ST14: variants seen among roughly 807,000 people sequenced by gnomAD.
The protein encoded by ST14 is suppressor of tumorigenicity 14 protein.
ST14 carries 40 observed loss-of-function variants against 96.5 expected under a neutral mutation model. The ratio of observed to expected loss-of-function variants is 0.41; its 90% CI spans 0.32 to 0.54. ST14 has a LOEUF of 0.54. Ranked by LOEUF, ST14 falls within the 20% of genes least tolerant of loss-of-function variation. ST14 has a pLI of 0.17. For missense variants in ST14, 1,066 were observed against 1,188.9 expected (o/e 0.90, Z 1.52); for synonymous variants, 506 against 492.1 (o/e 1.03, Z -0.37).
At position 130,181,159 on chromosome 11, in the gene ST14, A is replaced by C. The variant is rs1463068735; in HGVS notation, c.82-6955A>C. On this transcript the variant is annotated intron_variant, in intron 1 of 18. Coordinates refer to ENST00000278742, the MANE Select transcript of ST14 (RefSeq NM_021978.4). The surrounding 1 kb of genome is among the most constrained non-coding windows in gnomAD (Gnocchi z 4.1). ...ATGGCGGTGGTCCCTGCTGGGTGGG[A>C]TGGTGGTGATCTGATCTCGTCCCTG... 2.0e-5 allele frequency among the ~76,000 whole-genome samples: 3 copies of C among 150,180 alleles called. No individual in the cohort carries two copies. The highest frequency in any genetic ancestry group is 7.4e-5 in the African/African-American group (3 of 40,528).
intron 1 of ST14, among the ~76,000 whole-genome samples, chr11:130,168,817 T>C (rs1306809767): frequency 6.6e-6 from 1 of 152,106 alleles, no homozygotes; most frequent in Non-Finnish European, 1.5e-5. Context: ...AAACAGGTGC[T>C]CAGATTTGTA....
chr11:130,186,099 C>T (rs1361148963), intron 1 of ST14, among the ~76,000 whole-genome samples: 1 of 152,198 alleles, frequency 6.6e-6, no homozygotes, highest in Non-Finnish European at 1.5e-5. Context: ...TGAGCCACTG[C>T]ACCCAGCTTG....
intron 1 of ST14, among the ~76,000 whole-genome samples, chr11:130,163,093 G>C (rs1183834682): frequency 1.3e-5 from 2 of 152,152 alleles, no homozygotes; most frequent in Non-Finnish European, 2.9e-5. Context: ...TTTTTGAGTT[G>C]AAAGGGACTT....
intron 8 of ST14, 92 bp downstream of exon 8, chr11:130,194,380 G>C: frequency 6.4e-7 from 1 of 1,555,644 alleles, no homozygotes; most frequent in Non-Finnish European, 8.8e-7. Context: ...GAGGCCACAG[G>C]CTAGACCCTG....
At chr11:130,182,435 G>C (rs1051832775) in intron 1 of ST14, among the ~76,000 whole-genome samples, 1 of 150,958 alleles carries the variant, frequency 6.6e-6, no homozygotes, top group Non-Finnish European at 1.5e-5. Flanking sequence ...TCATCCTCCT[G>C]CCTCAACCTC....
intron 16 of ST14, among the ~76,000 whole-genome samples, chr11:130,206,555 CTCTTT>C (rs1253396162): frequency 1.2e-4 from 17 of 143,734 alleles, no homozygotes; most frequent in Non-Finnish European, 2.0e-4. Flanking sequence ...CTTTCTCTTT[CTCTTT>C]TCTTTTCTTT....
At position 130,181,209 on chromosome 11, in the gene ST14, C is replaced by T. The variant is rs1953189579; in HGVS notation, c.82-6905C>T. Among the ~76,000 whole-genome samples the T allele has an allele frequency of 6.6e-6, 1 of 151,866 alleles. No individual in the cohort carries two copies. Among genetic ancestry groups the T allele is most frequent in the Admixed American group, 6.6e-5 (1 of 15,244 alleles). On this transcript the variant is annotated intron_variant, in intron 1 of 18. Coordinates refer to ENST00000278742, the MANE Select transcript of ST14 (RefSeq NM_021978.4). The surrounding 1 kb of genome is among the most constrained non-coding windows in gnomAD (Gnocchi z 4.1). ...GCTGGGTGGGATGGTGGTCTGATCT[C>T]GCCCCTGCTGGGTGAGATAGTGGTG...
intron 1 of ST14, among the ~76,000 whole-genome samples, chr11:130,180,753 G>A (rs1953184326): frequency 6.6e-6 from 1 of 152,214 alleles, no homozygotes; most frequent in African/African-American, 2.4e-5. Flanking sequence ...TGACTTAATG[G>A]GAGTAGGCTG....
intron 1 of ST14, among the ~76,000 whole-genome samples, chr11:130,176,788 C>CTTTTTTT (rs56764956): frequency 1.0e-4 from 6 of 59,244 alleles, no homozygotes; most frequent in Admixed American, 2.0e-4. Context: ...TAGGGCTTAA[C>CTTTTTTT]TTTTTTTTTT....
chr11:130,181,138 C>T lies in ST14; in HGVS notation c.82-6976C>T, dbSNP rs534658788. ...ATTTTGTCCCTGCTGGGTGGGATGG[C>T]GGTGGTCCCTGCTGGGTGGGATGGT... On this transcript the variant is annotated intron_variant, in intron 1 of 18. Transcript: ENST00000278742. The surrounding 1 kb of genome is among the most constrained non-coding windows in gnomAD (Gnocchi z 4.1). Among the ~76,000 whole-genome samples the T allele has an allele frequency of 6.6e-6, 1 of 150,422 alleles. No individual in the cohort carries two copies. Among genetic ancestry groups the T allele is most frequent in the Non-Finnish European group, 1.5e-5 (1 of 67,674 alleles).
Position 130,188,700 on chromosome 11 carries a change from G to T in ST14, c.369+43G>T, listed in dbSNP as rs1953263945. On this transcript the variant is annotated intron_variant, in intron 3 of 18. Coordinates refer to ENST00000278742, the MANE Select transcript of ST14 (RefSeq NM_021978.4). This position sits in a 1 kb window ranked among gnomAD's most constrained non-coding sequence, Gnocchi z 5.4. ...AGAGTCCTGCTGGGCTGTGTGCGCTGGTGTCCCACCTGCTGGGCAGGAGGG... is the reference window on the plus strand; with the variant it reads ...AGAGTCCTGCTGGGCTGTGTGCGCTTGTGTCCCACCTGCTGGGCAGGAGGG... The T allele has an allele frequency of 1.9e-6, 3 of 1,613,926 alleles. No homozygotes were observed. The highest frequency in any genetic ancestry group is 2.5e-6 in the Non-Finnish European group (3 of 1,179,988).
chr11:130,193,189 A>AAG (rs530276694), intron 7 of ST14, among the ~76,000 whole-genome samples: 61 of 150,920 alleles, frequency 4.0e-4, no homozygotes, highest in African/African-American at 1.5e-3. Context: ...CCTGAGGCTC[A>AAG]AGCAGTTCTC....
chr11:130,170,117 A>G (rs1322572071), intron 1 of ST14, among the ~76,000 whole-genome samples: 2 of 152,110 alleles, frequency 1.3e-5, no homozygotes, highest in Non-Finnish European at 2.9e-5. Context: ...GGGGCGACAC[A>G]CTGAACTGAG....
chr11:130,178,139 A>T (rs1047441069), intron 1 of ST14, among the ~76,000 whole-genome samples: 1 of 152,272 alleles, frequency 6.6e-6, no homozygotes, highest in Non-Finnish European at 1.5e-5. Context: ...TAAAAGTATA[A>T]ACATTCCACA....
chr11:130,209,308 G>A (rs1402611382), intron 17 of ST14, 134 bp from the exon 18 acceptor site: 15 of 1,202,410 alleles, frequency 1.2e-5, no homozygotes, highest in South Asian at 1.3e-5. Context: ...GAGTAGACGC[G>A]GATTACCCGT....
chr11:130,187,080 C>T lies in ST14; in HGVS notation c.82-1034C>T, dbSNP rs953663602. 1.1e-4 allele frequency among the ~76,000 whole-genome samples: 17 copies of T among 152,114 alleles called. No individual in the cohort carries two copies. The highest frequency in any genetic ancestry group is 1.9e-4 in the Non-Finnish European group (13 of 68,020). On this transcript the variant is annotated intron_variant, in intron 1 of 18. Coordinates refer to ENST00000278742, the MANE Select transcript of ST14 (RefSeq NM_021978.4). The surrounding 1 kb of genome is among the most constrained non-coding windows in gnomAD (Gnocchi z 4.5). ...AGCTTAAATTTACACTGTCGAATTACGAGATCACCACCAGAAGAATGACAT... is the reference window on the plus strand; with the variant it reads ...AGCTTAAATTTACACTGTCGAATTATGAGATCACCACCAGAAGAATGACAT...
At position 130,210,013 on chromosome 11, in the gene ST14, G is replaced by A. The variant is rs1953535724; in HGVS notation, c.*190G>A. The A allele has an allele frequency of 4.1e-6, 3 of 725,982 alleles. No homozygotes were observed. In the South Asian group the frequency reaches 5.7e-5, roughly 14 times the overall value. 45.0% of individuals were successfully genotyped at this position (725,982 alleles called of 1,614,324 possible). A position where few individuals can be genotyped will look rare whatever the true frequency, so the allele number is the denominator to read the frequency against. Reference sequence around the variant, plus strand: ...CTTCCTCAGCCTCCAAAGTGGAGCTGGGAGGTAGAAGGGGAGGACACTGGT... The same window carrying A: ...CTTCCTCAGCCTCCAAAGTGGAGCTAGGAGGTAGAAGGGGAGGACACTGGT... On this transcript the variant is annotated 3_prime_UTR_variant, in exon 19 of 19. Transcript: ENST00000278742.
intron 17 of ST14, among the ~76,000 whole-genome samples, chr11:130,209,036 T>C (rs147039928): frequency 2.2e-4 from 34 of 152,284 alleles, no homozygotes; most frequent in African/African-American, 5.8e-4. Flanking sequence ...AGGCCGTTAG[T>C]TGGCAAATGC....
chr11:130,206,412 C>G (rs909635463), intron 16 of ST14, among the ~76,000 whole-genome samples: 11 of 152,308 alleles, frequency 7.2e-5, no homozygotes, highest in Admixed American at 4.6e-4. Flanking sequence ...GTCTCGTTCT[C>G]CAGCCGTACT....
Sources: allele counts gnomAD v4.1 joint callset (sites outside exome capture counted in the v4.1 genomes callset), GRCh38; gene constraint gnomAD v4.1.1; non-coding constraint Gnocchi (gnomAD v3.1); transcripts MANE v1.5; gene names NCBI Gene and HGNC (gene_info 2026-07-23, HGNC 2026-07-21).